The following MYO3A variants were observed in gnomAD, a reference collection of about 807,000 sequenced individuals.
MYO3A encodes myosin IIIA.
MYO3A carries 180 observed loss-of-function variants against 192.7 expected under a neutral mutation model. That is an observed-to-expected ratio of 0.93 (90% CI 0.83 to 1.06). The LOEUF is 1.06. Ranked by LOEUF, MYO3A falls within the 50% of genes least tolerant of loss-of-function variation. MYO3A has a pLI of 0.00. For missense variants in MYO3A, 1,896 were observed against 1,905.0 expected (o/e 1.00, Z 0.09); for synonymous variants, 628 against 645.3 (o/e 0.97, Z 0.41).
At chr10:25,956,974 A>T (rs1464581396) in intron 4 of MYO3A, among the ~76,000 whole-genome samples, 1 of 152,158 alleles carries the variant, frequency 6.6e-6, no homozygotes, top group Non-Finnish European at 1.5e-5. Flanking sequence ...AGGTGAGAAC[A>T]TGTGACATTT....
intron 25 of MYO3A, among the ~76,000 whole-genome samples, chr10:26,156,880 T>C (rs957947942): frequency 1.3e-5 from 2 of 152,190 alleles, no homozygotes; most frequent in Admixed American, 6.5e-5. Flanking sequence ...GTGTCTGTTG[T>C]AAAGTATTCC....
chr10:25,947,486 C>T (rs752244830), intron 2 of MYO3A, among the ~76,000 whole-genome samples: 7 of 150,498 alleles, frequency 4.7e-5, no homozygotes, highest in African/African-American at 1.2e-4. Context: ...CTCCGCCTCC[C>T]GGGTTCAAGC....
At chr10:25,934,423 G>A (rs1006678855) in intron 1 of MYO3A, 95 bp downstream of exon 1, 2 of 152,274 alleles carry the variant, frequency 1.3e-5, no homozygotes, top group African/African-American at 2.4e-5. Context: ...CTTGGACCCC[G>A]GGGCTTGCAG....
chr10:26,104,589 A>G (rs1206188957), intron 17 of MYO3A, among the ~76,000 whole-genome samples: 1 of 152,144 alleles, frequency 6.6e-6, no homozygotes, highest in Non-Finnish European at 1.5e-5. Context: ...TGTAATAAGT[A>G]TTGAGATTGG....
chr10:26,128,457 T>A lies in MYO3A; in HGVS notation c.2181T>A (p.Asn727Lys). 1 of 1,612,074 alleles carries A rather than the reference T, an allele frequency of 6.2e-7. No homozygotes were observed. Among genetic ancestry groups the A allele is most frequent in the Non-Finnish European group, 8.5e-7 (1 of 1,178,362 alleles). Reference sequence around the variant, plus strand: ...TTGGCTTTGAAAATTTCAAAAAAAATTCCTTCGAGCAGCTGTGCATTAACA... The same window carrying A: ...TTGGCTTTGAAAATTTCAAAAAAAAATCCTTCGAGCAGCTGTGCATTAACA... The part of the protein sequence containing the change: ...DIFGFENFKK[N>K]SFEQLCINIA... The change falls in exon 20 of 35, where the codon AAT becomes AAA. Residue 727 changes from asparagine to lysine, a missense_variant. Asn to Lys is a moderately conservative substitution (Grantham distance 94). Transcript: ENST00000642920.
chr10:26,066,842 C>A lies in MYO3A; in HGVS notation c.954-133C>A, dbSNP rs3824703. The A allele has an allele frequency of 0.49, 323,204 of 655,256 alleles. 82,988 individuals are homozygous for A. The highest frequency in any genetic ancestry group is 0.54 in the Non-Finnish European group (199,799 of 367,044). 40.6% of individuals were successfully genotyped at this position (655,256 alleles called of 1,614,324 possible). A position where few individuals can be genotyped will look rare whatever the true frequency, so the allele number is the denominator to read the frequency against. On this transcript the variant is annotated intron_variant, in intron 10 of 34. Coordinates refer to ENST00000642920, the MANE Select transcript of MYO3A (RefSeq NM_017433.5). ...AACAGTAAAGATCAAATATATTAGGCTATTTTCTGGTATCTTATCATTGAA... is the reference window on the plus strand; with the variant it reads ...AACAGTAAAGATCAAATATATTAGGATATTTTCTGGTATCTTATCATTGAA...
intron 4 of MYO3A, among the ~76,000 whole-genome samples, chr10:25,962,927 G>T (rs1402999139): frequency 6.6e-6 from 1 of 152,098 alleles, no homozygotes; most frequent in East Asian, 1.9e-4. Context: ...AGGAAATCTG[G>T]GCTTCTCTCT....
chr10:25,963,545 G>A (rs1429406737), intron 4 of MYO3A, among the ~76,000 whole-genome samples: 2 of 152,198 alleles, frequency 1.3e-5, no homozygotes, highest in African/African-American at 4.8e-5. Context: ...TTTGTGAGGG[G>A]TCAGGAGAAA....
intron 29 of MYO3A, among the ~76,000 whole-genome samples, chr10:26,171,704 A>G (rs554340259): frequency 4.8e-4 from 73 of 152,298 alleles, no homozygotes; most frequent in African/African-American, 1.4e-3. Flanking sequence ...ACTTCCAGAC[A>G]TCACAGGCCT....
chr10:26,113,922 G>A (rs1238258668), intron 17 of MYO3A, among the ~76,000 whole-genome samples: 1 of 152,198 alleles, frequency 6.6e-6, no homozygotes, highest in African/African-American at 2.4e-5. Flanking sequence ...TGCTCATGCT[G>A]TTTTATTGCT....
rs754917866 is a variant in MYO3A at position 25,952,153 on chromosome 10, C to A, written c.43C>A (p.Pro15Thr). ...AAAAACAATCATCTTTGATAACTTTCCTGATCCTTCTGATACATGGGAAAT... is the reference window on the plus strand; with the variant it reads ...AAAAACAATCATCTTTGATAACTTTACTGATCCTTCTGATACATGGGAAAT... The part of the protein sequence containing the change: ...IGKTIIFDNF[P>T]DPSDTWEITE... The change falls in exon 3 of 35, where the codon CCT becomes ACT. Residue 15 changes from proline to threonine, a missense_variant. Physicochemically the swap from Pro to Thr is conservative, Grantham distance 38 (BLOSUM62 -1). Coordinates refer to ENST00000642920, the MANE Select transcript of MYO3A (RefSeq NM_017433.5). 6.2e-7 allele frequency: 1 copy of A among 1,612,374 alleles called. No homozygotes were observed. The highest frequency in any genetic ancestry group is 1.3e-5 in the African/African-American group (1 of 74,950).
intron 7 of MYO3A, among the ~76,000 whole-genome samples, chr10:26,020,628 C>T (rs1307267152): frequency 6.6e-6 from 1 of 152,096 alleles, no homozygotes; most frequent in Non-Finnish European, 1.5e-5. Context: ...ATGTACAAAA[C>T]ATAAAATTTT....
intron 29 of MYO3A, among the ~76,000 whole-genome samples, chr10:26,173,330 A>G (rs960079221): frequency 6.6e-6 from 1 of 152,180 alleles, no homozygotes; most frequent in African/African-American, 2.4e-5. Context: ...TCACTACTAA[A>G]GGTACTTTGT....
intron 32 of MYO3A, among the ~76,000 whole-genome samples, chr10:26,199,301 C>G (rs889485024): frequency 6.6e-6 from 1 of 152,116 alleles, no homozygotes; most frequent in African/African-American, 2.4e-5. Context: ...ACCTGTAATC[C>G]CAGCACTTGG....
chr10:25,961,806 T>C (rs973114223), intron 4 of MYO3A, among the ~76,000 whole-genome samples: 1 of 152,158 alleles, frequency 6.6e-6, no homozygotes, highest in Non-Finnish European at 1.5e-5. Flanking sequence ...TTTCAGAAAA[T>C]TGGCTTGTGG....
At chr10:26,161,895 C>T (rs1841501862) in intron 26 of MYO3A, among the ~76,000 whole-genome samples, 1 of 152,132 alleles carries the variant, frequency 6.6e-6, no homozygotes, top group South Asian at 2.1e-4. Flanking sequence ...CCAGCAACAG[C>T]ACATTATACA....
intron 10 of MYO3A, among the ~76,000 whole-genome samples, chr10:26,041,435 ATAAG>A (rs1181011019): frequency 6.6e-6 from 1 of 152,152 alleles, no homozygotes; most frequent in Non-Finnish European, 1.5e-5. Flanking sequence ...ATTATTATTG[ATAAG>A]TAAGGAAGTA....
intron 4 of MYO3A, among the ~76,000 whole-genome samples, chr10:25,964,817 TG>T (rs1311038673): frequency 6.6e-6 from 1 of 152,206 alleles, no homozygotes; most frequent in African/African-American, 2.4e-5. Flanking sequence ...TTTGTTTGTC[TG>T]GCAAAGTCTC....
intron 2 of MYO3A, among the ~76,000 whole-genome samples, chr10:25,940,372 T>C (rs927382251): frequency 2.0e-5 from 3 of 152,104 alleles, no homozygotes; most frequent in African/African-American, 7.2e-5. Context: ...GTATTTGACA[T>C]GTATATTTTT....
Sources: allele counts gnomAD v4.1 joint callset (sites outside exome capture counted in the v4.1 genomes callset), GRCh38; gene constraint gnomAD v4.1.1; transcripts MANE v1.5; gene names NCBI Gene and HGNC (gene_info 2026-07-23, HGNC 2026-07-21).